The following TBC1D22A variants were observed in gnomAD, a reference collection of about 807,000 sequenced individuals.
The protein encoded by TBC1D22A is putative GTPase activator.
TBC1D22A carries 38 observed loss-of-function variants against 60.2 expected under a neutral mutation model. That is an observed-to-expected ratio of 0.63 (90% CI 0.49 to 0.83). TBC1D22A has a LOEUF of 0.83. Ranked by LOEUF, TBC1D22A falls within the 40% of genes least tolerant of loss-of-function variation. The probability of loss-of-function intolerance (pLI) is 0.00; values close to 1 mark genes in which losing one functional copy is unlikely to be tolerated. For synonymous variants in TBC1D22A, 302 were observed against 281.7 expected (o/e 1.07, Z -0.72); for missense variants, 628 against 701.0 (o/e 0.90, Z 1.18).
At chr22:46,849,291 C>T (rs2087163682) in intron 4 of TBC1D22A, among the ~76,000 whole-genome samples, 1 of 152,224 alleles carries the variant, frequency 6.6e-6, no homozygotes, top group African/African-American at 2.4e-5. Flanking sequence ...CCTGCCATCA[C>T]TCAGGCAGCC....
At chr22:46,980,705 T>A (rs2074481779) in intron 9 of TBC1D22A, among the ~76,000 whole-genome samples, 1 of 149,912 alleles carries the variant, frequency 6.7e-6, no homozygotes, top group African/African-American at 2.5e-5. Flanking sequence ...AAGAGAAATG[T>A]ACTAGAGGAA....
chr22:46,954,470 C>A (rs532255441), intron 8 of TBC1D22A, among the ~76,000 whole-genome samples: 86 of 152,300 alleles, frequency 5.6e-4, no homozygotes, highest in African/African-American at 2.0e-3. Context: ...GAGTTGTGGG[C>A]ATAGCACACA....
At chr22:47,099,176 C>A (rs2065310251) in intron 11 of TBC1D22A, among the ~76,000 whole-genome samples, 1 of 152,180 alleles carries the variant, frequency 6.6e-6, no homozygotes, top group African/African-American at 2.4e-5. Context: ...GAAGTGCAGA[C>A]CCTGCTCTTC....
chr22:46,883,249 AG>A (rs1310060718), intron 5 of TBC1D22A, among the ~76,000 whole-genome samples: 1 of 152,214 alleles, frequency 6.6e-6, no homozygotes, highest in Non-Finnish European at 1.5e-5. Context: ...ACACAGTGGG[AG>A]GGAACAATTT....
intron 4 of TBC1D22A, among the ~76,000 whole-genome samples, chr22:46,801,877 G>A (rs1054560983): frequency 2.2e-4 from 33 of 152,240 alleles, no homozygotes; most frequent in African/African-American, 8.0e-4. Context: ...AGGGTGTTTT[G>A]GGGGTTGGGA....
intron 12 of TBC1D22A, among the ~76,000 whole-genome samples, chr22:47,156,835 G>A (rs1420817109): frequency 2.0e-5 from 3 of 152,150 alleles, no homozygotes; most frequent in South Asian, 2.1e-4. Context: ...TGCCCGCGCC[G>A]ACCACCCGAT....
chr22:46,888,790 T>C (rs2068247307), intron 5 of TBC1D22A, among the ~76,000 whole-genome samples: 1 of 152,196 alleles, frequency 6.6e-6, no homozygotes, highest in Admixed American at 6.5e-5. Context: ...TCACTGCACC[T>C]TCCCTCCCGG....
intron 11 of TBC1D22A, among the ~76,000 whole-genome samples, chr22:47,051,024 C>G (rs2063196027): frequency 6.6e-6 from 1 of 152,170 alleles, no homozygotes; most frequent in Non-Finnish European, 1.5e-5. Flanking sequence ...TAAGGAGACC[C>G]TGTCTGGGCG....
At chr22:46,838,902 A>G (rs1443947234) in intron 4 of TBC1D22A, among the ~76,000 whole-genome samples, 1 of 152,238 alleles carries the variant, frequency 6.6e-6, no homozygotes, top group Non-Finnish European at 1.5e-5. Context: ...AGGAATGTAC[A>G]TCAACATAAA....
chr22:46,858,916 A>C (rs1359584798), intron 4 of TBC1D22A, among the ~76,000 whole-genome samples: 1 of 152,260 alleles, frequency 6.6e-6, no homozygotes, highest in Admixed American at 6.5e-5. Flanking sequence ...CAAAACAAAA[A>C]TGATGAGAAA....
chr22:46,791,660 GGTT>G (rs1226407069), intron 1 of TBC1D22A, among the ~76,000 whole-genome samples: 2 of 152,152 alleles, frequency 1.3e-5, no homozygotes, highest in Admixed American at 6.5e-5. Flanking sequence ...TCTGGGTAGA[GGTT>G]GATGAGTCAA....
intron 7 of TBC1D22A, among the ~76,000 whole-genome samples, chr22:46,904,153 A>G (rs56189589): frequency 0.024 from 2,422 of 100,232 alleles, 94 homozygotes; most frequent in African/African-American, 0.082. Flanking sequence ...CTACCTACCT[A>G]CCTACCTACC....
intron 11 of TBC1D22A, among the ~76,000 whole-genome samples, chr22:47,079,458 T>G (rs1362315572): frequency 6.6e-6 from 1 of 152,002 alleles, no homozygotes. Flanking sequence ...TACCTTCCCA[T>G]GGAAAAGAAA....
intron 7 of TBC1D22A, among the ~76,000 whole-genome samples, chr22:46,899,307 C>G (rs553720025): frequency 6.6e-6 from 1 of 151,962 alleles, no homozygotes; most frequent in African/African-American, 2.4e-5. Flanking sequence ...ATTAGCCAGG[C>G]GTGGTGGGGC....
At chr22:47,087,313 T>C (rs1398217069) in intron 11 of TBC1D22A, among the ~76,000 whole-genome samples, 1 of 152,274 alleles carries the variant, frequency 6.6e-6, no homozygotes. Context: ...TCTCTGAATG[T>C]ACCTTGTTTT....
intron 11 of TBC1D22A, among the ~76,000 whole-genome samples, chr22:47,083,142 A>G (rs2064538618): frequency 6.6e-6 from 1 of 152,282 alleles, no homozygotes; most frequent in East Asian, 1.9e-4. Flanking sequence ...AGAAATCAAA[A>G]TGGTGGTTTC....
intron 12 of TBC1D22A, among the ~76,000 whole-genome samples, chr22:47,159,307 A>G (rs2147198014): frequency 6.9e-6 from 1 of 144,046 alleles, no homozygotes; most frequent in African/African-American, 2.5e-5. Flanking sequence ...CACACACACC[A>G]TGTATACATA....
At chr22:47,102,671 G>A (rs1057234096) in intron 11 of TBC1D22A, among the ~76,000 whole-genome samples, 1 of 152,162 alleles carries the variant, frequency 6.6e-6, no homozygotes, top group Non-Finnish European at 1.5e-5. Flanking sequence ...TTCTGGGAAA[G>A]CATGCCCTCT....
In TBC1D22A at chr22:46,955,953, C is replaced by T. The variant is rs574461462; in HGVS notation, c.1016-18337C>T. 7.2e-5 allele frequency among the ~76,000 whole-genome samples: 11 copies of T among 152,212 alleles called. No individual in the cohort carries two copies. The South Asian group carries it at 1.0e-3, about 14-fold the overall frequency. Reference sequence around the variant, plus strand: ...GGCTTGAACCAGCCCAGATGCCCACCGATAGAGGAAGTTTAAAGCCATTGG... The same window carrying T: ...GGCTTGAACCAGCCCAGATGCCCACTGATAGAGGAAGTTTAAAGCCATTGG... On this transcript the variant is annotated intron_variant, in intron 8 of 12. Transcript: ENST00000337137.
Sources: allele counts gnomAD v4.1 joint callset (sites outside exome capture counted in the v4.1 genomes callset), GRCh38; gene constraint gnomAD v4.1.1; transcripts MANE v1.5; gene names NCBI Gene and HGNC (gene_info 2026-07-23, HGNC 2026-07-21).